Variants in GRM7 observed in about 807,000 individuals in gnomAD.
GRM7 encodes the protein metabotropic glutamate receptor 7.
Under a neutral mutation model 84.5 loss-of-function variants are expected in GRM7, and 35 were observed. The observed-to-expected ratio is 0.41, with a 90% confidence interval of 0.32 to 0.55. GRM7 has a LOEUF of 0.55. GRM7 is among the 20% of genes least tolerant of loss of function. The pLI is 0.19. For missense variants in GRM7, 1,003 were observed against 1,194.6 expected, an observed-to-expected ratio of 0.84 and a Z score of 2.36; for synonymous variants, 487 against 455.1, an observed-to-expected ratio of 1.07 and a Z score of -0.89.
chr3:7,035,605 G>A (rs915893062), intron 1 of GRM7, among the ~76,000 whole-genome samples: 3 of 152,122 alleles, frequency 2.0e-5, no homozygotes, highest in East Asian at 3.8e-4. Flanking sequence ...TCTGCCTTCC[G>A]TTAAGCCTAT....
chr3:7,115,355 G>A (rs1204936542), intron 1 of GRM7, among the ~76,000 whole-genome samples: 1 of 152,116 alleles, frequency 6.6e-6, no homozygotes, highest in African/African-American at 2.4e-5. Flanking sequence ...CCAGGAAGAT[G>A]CAAAATAACA....
At chr3:6,974,025 C>CAG in intron 1 of GRM7, among the ~76,000 whole-genome samples, 1 of 152,288 alleles carries the variant, frequency 6.6e-6, no homozygotes, top group East Asian at 1.9e-4. Context: ...GATGGTAGCT[C>CAG]AGACCAGAGT....
chr3:7,281,427 TAAA>T (rs1699247815), intron 2 of GRM7, among the ~76,000 whole-genome samples: 1 of 152,168 alleles, frequency 6.6e-6, no homozygotes, highest in African/African-American at 2.4e-5. Flanking sequence ...AAGATCTCAA[TAAA>T]TTGTGAATTT....
Position 7,363,798 on chromosome 3 carries a change from T to C in GRM7, c.1034-51225T>C, listed in dbSNP as rs148206522. Among the ~76,000 whole-genome samples, 932 of 152,212 alleles carry C rather than the reference T, an allele frequency of 6.1e-3. 6 individuals are homozygous for C. Among genetic ancestry groups the C allele is most frequent in the African/African-American group, 0.021 (878 of 41,558 alleles). On this transcript the variant is annotated intron_variant, in intron 4 of 9. Coordinates refer to ENST00000357716, the MANE Select transcript of GRM7 (RefSeq NM_000844.4). ...CGAATTCTACATCTTCAACCCTTGA[T>C]ATCATTAGATTTTTATATTTTTACC... is the stretch of plus-strand genomic sequence containing the variant.
chr3:7,661,600 C>T (rs1236537944), intron 8 of GRM7, among the ~76,000 whole-genome samples: 1 of 151,864 alleles, frequency 6.6e-6, no homozygotes, highest in Non-Finnish European at 1.5e-5. Context: ...CCAGACCATC[C>T]TGGCTTACAC....
At chr3:7,570,214 C>T (rs1694577762) in intron 7 of GRM7, among the ~76,000 whole-genome samples, 1 of 152,166 alleles carries the variant, frequency 6.6e-6, no homozygotes, top group Non-Finnish European at 1.5e-5. Flanking sequence ...TCCCAAATCT[C>T]ATGTCCTCAC....
Position 7,545,650 on chromosome 3 carries a change from A to T in GRM7, c.1516-32772A>T, listed in dbSNP as rs116640874. 4.7e-3 allele frequency among the ~76,000 whole-genome samples: 715 copies of T among 152,306 alleles called. 5 individuals are homozygous for T. Among genetic ancestry groups the T allele is most frequent in the Middle Eastern group, 0.014 (4 of 294 alleles). ...AACACGAGAAGAATGAGGTCTAGCA[A>T]ATTGAATATATGGAGGTAGAATTCA... On this transcript the variant is annotated intron_variant, in intron 7 of 9. Transcript: ENST00000357716.
intron 7 of GRM7, among the ~76,000 whole-genome samples, chr3:7,487,735 G>T (rs989334601): frequency 6.6e-6 from 1 of 152,226 alleles, no homozygotes; most frequent in African/African-American, 2.4e-5. Context: ...GGAAGACTGG[G>T]GGCCCAGGCA....
chr3:7,243,248 C>A (rs908466), intron 2 of GRM7, among the ~76,000 whole-genome samples: 122,920 of 152,054 alleles, frequency 0.81, 50,250 homozygotes, highest in East Asian at 0.98. Context: ...GGTAGCAGAG[C>A]TACCAGTAGC....
chr3:7,588,822 C>G (rs116355919), intron 8 of GRM7, among the ~76,000 whole-genome samples: 120 of 152,304 alleles, frequency 7.9e-4, no homozygotes, highest in African/African-American at 2.6e-3. Flanking sequence ...ATTGCACGCT[C>G]TTCGTCCTCA....
At chr3:7,482,182 C>T (rs1190365523) in intron 7 of GRM7, among the ~76,000 whole-genome samples, 1 of 152,110 alleles carries the variant, frequency 6.6e-6, no homozygotes, top group African/African-American at 2.4e-5. Context: ...AGTGAGACTC[C>T]ATCTCAAACA....
chr3:7,519,037 T>A (rs1382508431), intron 7 of GRM7, among the ~76,000 whole-genome samples: 1 of 152,342 alleles, frequency 6.6e-6, no homozygotes. Flanking sequence ...CCCCTCAATT[T>A]TGCATTTGAG....
intron 8 of GRM7, among the ~76,000 whole-genome samples, chr3:7,638,999 C>T (rs3792445): frequency 0.44 from 67,649 of 152,036 alleles, 15,278 homozygotes; most frequent in East Asian, 0.61. Context: ...ATGTCCAACA[C>T]CCTCTCATAG....
chr3:7,356,068 AC>A (rs1295061551), intron 4 of GRM7, among the ~76,000 whole-genome samples: 1 of 152,114 alleles, frequency 6.6e-6, no homozygotes, highest in Admixed American at 6.6e-5. Context: ...CTGGTTGTGC[AC>A]TTTTCTTAGC....
chr3:7,634,735 A>C (rs1375325995), intron 8 of GRM7, among the ~76,000 whole-genome samples: 2 of 151,626 alleles, frequency 1.3e-5, no homozygotes, highest in Non-Finnish European at 2.9e-5. Flanking sequence ...CAGAGCTTGC[A>C]GTGAGCCGAG....
At chr3:7,262,351 C>A (rs1032077731) in intron 2 of GRM7, among the ~76,000 whole-genome samples, 4 of 152,136 alleles carry the variant, frequency 2.6e-5, no homozygotes, top group African/African-American at 9.7e-5. Flanking sequence ...GAAAGCCAGT[C>A]TTCAAGCTTT....
chr3:7,449,058 T>A (rs1461639028), intron 5 of GRM7, among the ~76,000 whole-genome samples: 2 of 152,268 alleles, frequency 1.3e-5, no homozygotes, highest in East Asian at 3.9e-4. Context: ...AAAATGGTAA[T>A]GTTAGAATTT....
Position 7,444,546 on chromosome 3 carries a change from A to C in GRM7, c.1175-8061A>C, listed in dbSNP as rs187413243. 1.7e-3 allele frequency among the ~76,000 whole-genome samples: 255 copies of C among 152,282 alleles called. 1 individual carries two copies. The highest frequency in any genetic ancestry group is 2.0e-3 in the Non-Finnish European group (136 of 68,034). On this transcript the variant is annotated intron_variant, in intron 5 of 9. Coordinates refer to ENST00000357716, the MANE Select transcript of GRM7 (RefSeq NM_000844.4). ...TTTTACCTTTACTGAACAGATTGGC[A>C]TTACCCACAACAAATTGCTCTTGGC... is the stretch of plus-strand genomic sequence containing the variant.
rs191682669 is a variant in GRM7, at chr3:7,192,079, T to C, written c.736+45411T>C. On this transcript the variant is annotated intron_variant, in intron 2 of 9. Coordinates refer to ENST00000357716, the MANE Select transcript of GRM7 (RefSeq NM_000844.4). ...TCATAGACTGGCTGAAGTTTAAGAA[T>C]GTAAATTGTAATGCGAGCTAAGGCT... is the stretch of plus-strand genomic sequence containing the variant. 9.9e-5 allele frequency among the ~76,000 whole-genome samples: 15 copies of C among 152,156 alleles called. No homozygotes were observed. In the East Asian group the frequency reaches 2.5e-3, roughly 26 times the overall value.
Sources: allele counts gnomAD v4.1 joint callset (sites outside exome capture counted in the v4.1 genomes callset), GRCh38; gene constraint gnomAD v4.1.1; transcripts MANE v1.5; gene names NCBI Gene and HGNC (gene_info 2026-07-23, HGNC 2026-07-21).